The following TBX10 variants were observed in gnomAD, a reference collection of about 807,000 sequenced individuals.
TBX10 encodes the protein T-box transcription factor TBX10.
A neutral mutation model predicts 32.4 loss-of-function variants in TBX10; 26 were observed. The ratio of observed to expected loss-of-function variants is 0.80; its 90% CI spans 0.59 to 1.11. The LOEUF (loss-of-function observed/expected upper bound fraction) is 1.11, where lower values mean the gene tolerates loss of function less well. Among genes scored for constraint, TBX10 ranks in the 50% most tolerant of loss-of-function variants. TBX10 has a pLI of 0.00. For missense variants in TBX10, 490 were observed against 494.5 expected (o/e 0.99, Z 0.09); for synonymous variants, 195 against 203.1 (o/e 0.96, Z 0.34).
At chr11:67,638,605 G>C (rs1855362828) in intron 1 of TBX10, among the ~76,000 whole-genome samples, 1 of 152,202 alleles carries the variant, frequency 6.6e-6, no homozygotes, top group African/African-American at 2.4e-5. Context: ...ACCTGGCCAG[G>C]GTGAGCTCTT....
At position 67,635,177 on chromosome 11, in the gene TBX10, C is replaced by A; in HGVS notation, c.94G>T (p.Gly32Trp). Residue 32 changes from glycine (G) to tryptophan (W), a missense_variant, in exon 2 of 8, where the codon GGG (glycine) becomes TGG (tryptophan). Physicochemically the swap from Gly to Trp is radical, Grantham distance 184. Coordinates refer to ENST00000335385, the MANE Select transcript of TBX10 (RefSeq NM_005995.5). ...CAAGGGCCTGATGGGAATGGTGACC[C>A]CAGCCGGGGCTCCCAGCCAGAGCTG... ...TTSSGWEPRLGSPFPSGPCTS... is the reference protein window; with the variant it reads ...TTSSGWEPRLWSPFPSGPCTS... The A allele has an allele frequency of 6.2e-7, 1 of 1,613,850 alleles. No individual in the cohort carries two copies. Among genetic ancestry groups the A allele is most frequent in the Non-Finnish European group, 8.5e-7 (1 of 1,180,022 alleles).
chr11:67,633,833 GA>G (rs1216374520), intron 4 of TBX10, among the ~76,000 whole-genome samples: 2 of 152,230 alleles, frequency 1.3e-5, no homozygotes, highest in Non-Finnish European at 2.9e-5. Flanking sequence ...TTTGCCCCAG[GA>G]AGTGACCTCT....
Position 67,639,485 on chromosome 11 carries a change from G to T in TBX10, c.-13C>A. On this transcript the variant is annotated 5_prime_UTR_variant, in exon 1 of 8. Coordinates refer to ENST00000335385, the MANE Select transcript of TBX10 (RefSeq NM_005995.5). The stretch of plus-strand genomic sequence containing the variant: ...GCCTACCTGCCATGGAGACAGAGAG[G>T]CTGTCCGGCTCCTGGAGAAACACTG... 6 of 1,608,750 alleles carry T rather than the reference G, an allele frequency of 3.7e-6. No homozygotes were observed. Among genetic ancestry groups the T allele is most frequent in the Non-Finnish European group, 5.1e-6 (6 of 1,177,088 alleles).
Position 67,634,929 on chromosome 11 carries a change from A to T in TBX10, c.276-12T>A. On this transcript the variant is annotated splice_polypyrimidine_tract_variant and intron_variant, in intron 2 of 7. Coordinates refer to ENST00000335385, the MANE Select transcript of TBX10 (RefSeq NM_005995.5). ...GGGGGAACATCCTCCTGCGGGAGGG[A>T]GGTGCTCAGCAGCCGGATGCGGCTC... The T allele has an allele frequency of 1.9e-6, 3 of 1,613,058 alleles. No homozygotes were observed. Among genetic ancestry groups the T allele is most frequent in the Admixed American group, 1.7e-5 (1 of 60,014 alleles).
chr11:67,641,746 AG>A (rs1855409424), upstream of TBX10, among the ~76,000 whole-genome samples: 6 of 152,380 alleles, frequency 3.9e-5, no homozygotes, highest in South Asian at 1.2e-3. Flanking sequence ...GGCTGCAGCC[AG>A]GTCGCATATA....
chr11:67,640,688 CG>C (rs2134104141), upstream of TBX10, among the ~76,000 whole-genome samples: 1 of 152,280 alleles, frequency 6.6e-6, no homozygotes, highest in Admixed American at 6.5e-5. Context: ...CAGAGTGGGT[CG>C]TCTGGCTGGA....
intron 1 of TBX10, among the ~76,000 whole-genome samples, chr11:67,636,519 T>C (rs1463925838): frequency 2.4e-5 from 2 of 85,074 alleles, no homozygotes; most frequent in African/African-American, 5.5e-5. Context: ...ATTTATTTAT[T>C]TATTTTTTTC....
At chr11:67,636,248 C>CTT (rs35028053) in intron 1 of TBX10, among the ~76,000 whole-genome samples, 1 of 136,234 alleles carries the variant, frequency 7.3e-6, no homozygotes, top group Non-Finnish European at 1.6e-5. Context: ...CACACGGCTA[C>CTT]TTTTTTTTTT....
At chr11:67,633,857 A>G (rs905203693) in intron 4 of TBX10, among the ~76,000 whole-genome samples, 1 of 152,202 alleles carries the variant, frequency 6.6e-6, no homozygotes, top group Non-Finnish European at 1.5e-5. Context: ...GAGGGCAGGG[A>G]TCGTTGGCTG....
intron 1 of TBX10, among the ~76,000 whole-genome samples, chr11:67,636,334 C>T (rs1315316110): frequency 6.6e-6 from 1 of 151,084 alleles, no homozygotes; most frequent in African/African-American, 2.4e-5. Flanking sequence ...CCTCCCACCT[C>T]GGCCTCCTAA....
Position 67,635,007 on chromosome 11 carries a change from G to A in TBX10, c.264C>T (p.Thr88=). 6.2e-7 allele frequency: 1 copy of A among 1,613,608 alleles called. No homozygotes were observed. The highest frequency in any genetic ancestry group is 1.3e-5 in the African/African-American group (1 of 75,040). The change falls in exon 2 of 8, where the codon ACC becomes ACT. Residue 88 remains threonine (T), a synonymous_variant. Transcript: ENST00000335385. ...FNQLGTEMIV[T]KAGRRMFPPF... is the part of the protein sequence containing the mutation. ...CCCGCTGCTCACACCTGCCTGCCTT[G>A]GTGACGATCATCTCAGTGCCCAGCT...
At position 67,631,582 on chromosome 11, in the gene TBX10, GCTTCCCC is replaced by G. The variant is rs1855232082; in HGVS notation, c.*16_*22del. The stretch of plus-strand genomic sequence containing the variant: ...CCGGTGTAAGGTCCAGGGTAGCAGG[GCTTCCCC>G]CCAGGGCTTCTGGCATCACTGGGAG... On this transcript the variant is annotated 3_prime_UTR_variant, in exon 8 of 8. Coordinates refer to ENST00000335385, the MANE Select transcript of TBX10 (RefSeq NM_005995.5). 1 of 1,580,700 alleles carries G rather than the reference GCTTCCCC, an allele frequency of 6.3e-7. No homozygotes were observed. Among genetic ancestry groups the G allele is most frequent in the Non-Finnish European group, 8.5e-7 (1 of 1,170,146 alleles).
Position 67,632,940 on chromosome 11 carries a change from T to A in TBX10, c.705+8A>T, listed in dbSNP as rs747079707. 6.2e-7 allele frequency: 1 copy of A among 1,614,184 alleles called. No individual in the cohort carries two copies. Among genetic ancestry groups the A allele is most frequent in the South Asian group, 1.1e-5 (1 of 91,090 alleles). On this transcript the variant is annotated splice_region_variant and intron_variant, in intron 5 of 7. Coordinates refer to ENST00000335385, the MANE Select transcript of TBX10 (RefSeq NM_005995.5). ...CTGCAGCGGGTGCTCCCGAGCTGGT[T>A]CACCCACCCTGTGGTTCTGATAGGC...
chr11:67,633,211 C>A, intron 4 of TBX10, 108 bp from the exon 5 acceptor site: 2 of 1,383,730 alleles, frequency 1.4e-6, no homozygotes, highest in South Asian at 2.6e-5. Flanking sequence ...GCCTGCCACC[C>A]TGTTCCTTTC....
chr11:67,632,763 C>G (rs562093612), intron 5 of TBX10, 93 bp from the exon 6 acceptor site: 2 of 1,570,834 alleles, frequency 1.3e-6, no homozygotes, highest in East Asian at 2.2e-5. Flanking sequence ...GCCCTGGCAC[C>G]TGGGCCTCTT....
Position 67,632,925 on chromosome 11 carries a change from T to C in TBX10, c.705+23A>G, listed in dbSNP as rs1420382181. ...CCCTGTGAAATGGGCCTGCAGCGGG[T>C]GCTCCCGAGCTGGTTCACCCACCCT... On this transcript the variant is annotated intron_variant, in intron 5 of 7. Transcript: ENST00000335385. 5.6e-6 allele frequency: 9 copies of C among 1,613,944 alleles called. No homozygotes were observed. In the Admixed American group the frequency reaches 1.5e-4, roughly 27 times the overall value.
intron 1 of TBX10, 64 bp downstream of exon 1, chr11:67,639,402 G>GCCCCCCCC: frequency 3.5e-6 from 1 of 288,592 alleles, no homozygotes; most frequent in Non-Finnish European, 7.0e-6. Context: ...TTCCCACCCT[G>GCCCCCCCC]CCCACCCACC....
At chr11:67,640,252 G>T (rs1855386677), upstream of TBX10, among the ~76,000 whole-genome samples, 1 of 152,246 alleles carries the variant, frequency 6.6e-6, no homozygotes, top group African/African-American at 2.4e-5. Flanking sequence ...ACACATGGAT[G>T]AACTCAGGGA....
intron 7 of TBX10, 133 bp downstream of exon 7, chr11:67,632,185 C>T (rs572507948): frequency 2.7e-6 from 3 of 1,098,312 alleles, no homozygotes; most frequent in Admixed American, 1.7e-5. Flanking sequence ...TCTGCTTCCC[C>T]CTCCGTGTGT....
Sources: gnomAD v4.1 joint callset for allele counts (sites outside exome capture counted in the v4.1 genomes callset) on GRCh38, gnomAD v4.1.1 for gene constraint, MANE v1.5 for transcripts, NCBI Gene and HGNC (gene_info 2026-07-23, HGNC 2026-07-21) for gene names.